The following S100A13 variants were observed in gnomAD, a reference collection of about 807,000 sequenced individuals.
S100A13 encodes S100 calcium binding protein A13, also known as protein S100-A13.
Under a neutral mutation model 8.2 loss-of-function variants are expected in S100A13, and 6 were observed. That is an observed-to-expected ratio of 0.73 (90% confidence interval 0.40 to 1.44). The LOEUF is 1.44. S100A13 is among the 40% of genes most tolerant of loss of function. The pLI, the probability that S100A13 is intolerant of heterozygous loss-of-function variation, is 0.02. For missense variants in S100A13, 114 were observed against 113.6 expected (o/e 1.00, Z -0.02); for synonymous variants, 39 against 45.9 (o/e 0.85, Z 0.61).
upstream of S100A13, among the ~76,000 whole-genome samples, chr1:153,633,712 CG>C (rs1236605344): frequency 6.6e-6 from 1 of 152,168 alleles, no homozygotes; most frequent in Non-Finnish European, 1.5e-5. Context: ...CGGAAGAAGA[CG>C]AGGCAAGTCC....
chr1:153,622,285 C>T lies in S100A13; in HGVS notation c.154-3247G>A, dbSNP rs142475093. Among the ~76,000 whole-genome samples the T allele has an allele frequency of 3.5e-3, 539 of 152,146 alleles. 4 individuals are homozygous for T. The highest frequency in any genetic ancestry group is 0.012 in the African/African-American group (503 of 41,508). ...CTCAGGGAGGCTGAGCCAGGAAAAT[C>T]GCTTGAACCTGGGAGGCAGAGGTTG... On this transcript the variant is annotated intron_variant, in intron 2 of 2. Coordinates refer to ENST00000476133, the MANE Select transcript of S100A13 (RefSeq NM_001024211.2).
chr1:153,629,402 C>A (rs1247955427), upstream of S100A13: 1 of 152,212 alleles, frequency 6.6e-6, no homozygotes, highest in Non-Finnish European at 1.5e-5. Flanking sequence ...GGATGTCATT[C>A]GATCAGGGGC....
intron 2 of S100A13, among the ~76,000 whole-genome samples, chr1:153,621,716 C>T (rs1427470507): frequency 6.6e-6 from 1 of 151,442 alleles, no homozygotes; most frequent in Non-Finnish European, 1.5e-5. Context: ...AAAGAAACCC[C>T]ATCTCTACTA....
intron 2 of S100A13, among the ~76,000 whole-genome samples, chr1:153,623,305 C>A (rs541921135): frequency 1.2e-4 from 18 of 151,504 alleles, no homozygotes; most frequent in Admixed American, 9.2e-4. Flanking sequence ...GGGGCAGTGA[C>A]GTATCATTTG....
chr1:153,621,155 C>T (rs1667218930), intron 2 of S100A13, among the ~76,000 whole-genome samples: 1 of 139,396 alleles, frequency 7.2e-6, no homozygotes, highest in Non-Finnish European at 1.6e-5. Context: ...AAACTATCTA[C>T]AGGATTTTTT....
At chr1:153,628,056 C>T, upstream of S100A13, 1 of 1,550,368 alleles carries the variant, frequency 6.5e-7, no homozygotes, top group Non-Finnish European at 8.7e-7. Context: ...CACTGAGGGT[C>T]CTCTCAGTGA....
chr1:153,624,598 C>G (rs1328896546), intron 2 of S100A13, among the ~76,000 whole-genome samples: 1 of 149,432 alleles, frequency 6.7e-6, no homozygotes, highest in Non-Finnish European at 1.5e-5. Flanking sequence ...ATAAGGAATG[C>G]TGTCCCTTCA....
chr1:153,628,390 G>C (rs572770365), upstream of S100A13: 43 of 1,549,184 alleles, frequency 2.8e-5, no homozygotes, highest in Non-Finnish European at 3.8e-5. Context: ...GGGGGTCAGC[G>C]GGGGAGGGAC....
At chr1:153,620,754 T>C (rs1667191031) in intron 2 of S100A13, among the ~76,000 whole-genome samples, 1 of 152,070 alleles carries the variant, frequency 6.6e-6, no homozygotes, top group Non-Finnish European at 1.5e-5. Flanking sequence ...TATATGCAAG[T>C]ACTATCTGAT....
chr1:153,625,383 C>T (rs1667549922), intron 2 of S100A13, among the ~76,000 whole-genome samples: 3 of 152,310 alleles, frequency 2.0e-5, no homozygotes, highest in South Asian at 4.1e-4. Flanking sequence ...CTGTCAACAG[C>T]CAGAATGACC....
chr1:153,627,018 G>A (rs558097257), intron 1 of S100A13: 33 of 154,340 alleles, frequency 2.1e-4, no homozygotes, highest in Non-Finnish European at 2.7e-4. Flanking sequence ...ACTCGCATCC[G>A]CCCACACACA....
chr1:153,627,321 C>T (rs1352537343), intron 1 of S100A13, 162 bp downstream of exon 1: 1 of 152,350 alleles, frequency 6.6e-6, no homozygotes. Flanking sequence ...GAGGCATTCT[C>T]TTTTCTGTCC....
chr1:153,633,914 C>T (rs912742586), upstream of S100A13: 3 of 152,260 alleles, frequency 2.0e-5, no homozygotes, highest in African/African-American at 7.2e-5. Context: ...GGGCGGGGCA[C>T]TGCATGGAAA....
intron 2 of S100A13, among the ~76,000 whole-genome samples, chr1:153,625,897 G>A (rs569363828): frequency 1.3e-3 from 203 of 152,354 alleles, no homozygotes; most frequent in African/African-American, 4.7e-3. Flanking sequence ...GTCAGGCGCA[G>A]TGGCTTGCGC....
At chr1:153,627,915 A>T (rs899930000), upstream of S100A13, 16 of 993,420 alleles carry the variant, frequency 1.6e-5, no homozygotes, top group African/African-American at 2.6e-4. Context: ...AGGATGCTAC[A>T]GACCAAGATC....
At chr1:153,631,944 C>T (rs115942380), upstream of S100A13, 640 of 1,359,452 alleles carry the variant, frequency 4.7e-4, 4 homozygotes, top group African/African-American at 8.7e-3. Flanking sequence ...ATAACCCCAC[C>T]CTTGCCCACC....
At position 153,626,345 on chromosome 1, in the gene S100A13, G is replaced by A. The variant is rs1360621896; in HGVS notation, c.128C>T (p.Thr43Ile). 2.5e-6 allele frequency: 4 copies of A among 1,614,022 alleles called. No individual in the cohort carries two copies. The East Asian group carries it at 6.7e-5, about 27-fold the overall frequency. The change falls in exon 2 of 3, where the codon ACC becomes ATC. Residue 43 changes from threonine (T) to isoleucine (I), a missense_variant. By Grantham distance (89) the Thr-to-Ile change is moderately conservative (BLOSUM62 -1). Coordinates refer to ENST00000476133, the MANE Select transcript of S100A13 (RefSeq NM_001024211.2). ...CTTGAGCAGATGGGGCAACTGCTGG[G>A]TAACCAGCTCTTTGAACTCGTTGAC... is the stretch of plus-strand genomic sequence containing the variant. The part of the protein sequence containing the change: ...LSVNEFKELV[T>I]QQLPHLLKDV...
At chr1:153,625,549 T>C (rs998911537) in intron 2 of S100A13, among the ~76,000 whole-genome samples, 2 of 152,228 alleles carry the variant, frequency 1.3e-5, no homozygotes, top group African/African-American at 4.8e-5. Context: ...CTGAGGTCTA[T>C]GACTCCATGA....
At chr1:153,625,348 A>C (rs771790353) in intron 2 of S100A13, among the ~76,000 whole-genome samples, 12 of 152,172 alleles carry the variant, frequency 7.9e-5, no homozygotes, top group Non-Finnish European at 1.6e-4. Flanking sequence ...GTGCCTGTGG[A>C]TTTTCAGAAA....
Sources: gnomAD v4.1 joint callset for allele counts (sites outside exome capture counted in the v4.1 genomes callset) on GRCh38, gnomAD v4.1.1 for gene constraint, MANE v1.5 for transcripts, NCBI Gene and HGNC (gene_info 2026-07-23, HGNC 2026-07-21) for gene names.